Variants in SEC14L5 observed in about 807,000 individuals in gnomAD.
The protein encoded by SEC14L5 is SEC14 like lipid binding 5.
A neutral mutation model predicts 84.6 loss-of-function variants in SEC14L5; 96 were observed. The observed-to-expected ratio is 1.13, with a 90% confidence interval of 0.96 to 1.34. The LOEUF (loss-of-function observed/expected upper bound fraction) is 1.34. SEC14L5 is among the 40% of genes most tolerant of loss of function. SEC14L5 has a pLI of 0.00. For missense variants in SEC14L5, 1,224 were observed against 942.5 expected, an observed-to-expected ratio of 1.30 and a Z score of -3.91; for synonymous variants, 546 against 383.4, an observed-to-expected ratio of 1.42 and a Z score of -4.95.
At chr16:5,009,225 C>G (rs1270844721) in intron 14 of SEC14L5, among the ~76,000 whole-genome samples, 2 of 152,122 alleles carry the variant, frequency 1.3e-5, no homozygotes, top group African/African-American at 4.8e-5. Context: ...GGTTTCTTCT[C>G]TGTCTGTCTC....
rs76424414 is a variant in SEC14L5 at position 5,001,696 on chromosome 16, C to T, written c.1130+771C>T. ...GCATTTCTGTTCCTGAACTGTTTCCCGGAGCCAGTACTTACGGTGGCATCG... is the reference window on the plus strand; with the variant it reads ...GCATTTCTGTTCCTGAACTGTTTCCTGGAGCCAGTACTTACGGTGGCATCG... On this transcript the variant is annotated intron_variant, in intron 10 of 15. Transcript: ENST00000251170. Among the ~76,000 whole-genome samples, 345 of 152,292 alleles carry T rather than the reference C, an allele frequency of 2.3e-3. 2 individuals are homozygous for T. The highest frequency in any genetic ancestry group is 7.8e-3 in the African/African-American group (323 of 41,576).
rs1955890944 is a variant in SEC14L5 at position 5,017,681 on chromosome 16, C to T, written c.*2711C>T. 1 of 152,204 alleles carries T rather than the reference C, an allele frequency of 6.6e-6. No homozygotes were observed. The highest frequency in any genetic ancestry group is 6.5e-5 in the Admixed American group (1 of 15,276). 9.4% of individuals were successfully genotyped at this position (152,204 alleles called of 1,614,324 possible). A position where few individuals can be genotyped will look rare whatever the true frequency, so the allele number is the denominator to read the frequency against. The stretch of plus-strand genomic sequence containing the variant: ...CGCAGCAGGATTGGGGAGGGCCATT[C>T]CCCCAATGGACAAGAGAAGCTGGAC... On this transcript the variant is annotated 3_prime_UTR_variant, in exon 16 of 16. Transcript: ENST00000251170.
At chr16:4,981,854 G>C (rs1955427647) in intron 2 of SEC14L5, among the ~76,000 whole-genome samples, 1 of 152,190 alleles carries the variant, frequency 6.6e-6, no homozygotes, top group Non-Finnish European at 1.5e-5. Context: ...CTTCTAACCA[G>C]GCAGTCTGAA....
At chr16:4,999,384 C>A (rs994697345) in intron 8 of SEC14L5, among the ~76,000 whole-genome samples, 2 of 152,146 alleles carry the variant, frequency 1.3e-5, no homozygotes, top group African/African-American at 4.8e-5. Context: ...GCTGGAGGAT[C>A]GCTTAAGCCC....
chr16:4,975,222 T>C (rs901798941), intron 2 of SEC14L5, among the ~76,000 whole-genome samples: 24 of 151,968 alleles, frequency 1.6e-4, no homozygotes, highest in Non-Finnish European at 3.1e-4. Flanking sequence ...CCTGTAATCC[T>C]AGCACTTTGG....
At chr16:4,999,841 G>C (rs1955655684) in intron 8 of SEC14L5, among the ~76,000 whole-genome samples, 1 of 151,982 alleles carries the variant, frequency 6.6e-6, no homozygotes, top group Admixed American at 6.6e-5. Flanking sequence ...CTTGAACCTG[G>C]GAGGCAGAGG....
intron 3 of SEC14L5, 40 bp downstream of exon 3, chr16:4,987,746 G>A: frequency 7.0e-7 from 1 of 1,420,516 alleles, no homozygotes; most frequent in South Asian, 1.5e-5. Context: ...GAGGGGACCT[G>A]TTGCGGAGGT....
chr16:4,973,938 C>T (rs1955309084), intron 2 of SEC14L5, among the ~76,000 whole-genome samples: 2 of 152,032 alleles, frequency 1.3e-5, no homozygotes, highest in East Asian at 1.9e-4. Context: ...CCCCCTGAGG[C>T]CTCCCAAAGT....
At chr16:4,960,629 T>C (rs1014638234) in intron 2 of SEC14L5, 2 of 152,238 alleles carry the variant, frequency 1.3e-5, no homozygotes, top group Non-Finnish European at 2.9e-5. Context: ...AGGGTCATAT[T>C]CTAGCTCCCC....
chr16:4,997,485 G>A (rs572550669), intron 8 of SEC14L5, among the ~76,000 whole-genome samples: 40 of 152,304 alleles, frequency 2.6e-4, no homozygotes, highest in African/African-American at 6.7e-4. Flanking sequence ...ATGCTTTGAA[G>A]TGACAACCTA....
In SEC14L5 at chr16:4,999,159, C is replaced by T. The variant is rs575081730; in HGVS notation, c.971-1496C>T. 4.7e-4 allele frequency among the ~76,000 whole-genome samples: 72 copies of T among 152,248 alleles called. 3 individuals carry two copies. In the South Asian group the frequency reaches 0.013, roughly 28 times the overall value. ...TGCCTCTTCGTGTAGTGCAGAATTG[C>T]GCCTAGCTTTCCTAAGGATGAGCAA... On this transcript the variant is annotated intron_variant, in intron 8 of 15. Coordinates refer to ENST00000251170, the MANE Select transcript of SEC14L5 (RefSeq NM_014692.2).
intron 13 of SEC14L5, among the ~76,000 whole-genome samples, chr16:5,007,917 T>G (rs1955752105): frequency 6.8e-6 from 1 of 147,810 alleles, no homozygotes; most frequent in Admixed American, 6.7e-5. Flanking sequence ...CTTTTTTTTT[T>G]TTTTTTTTGA....
chr16:5,011,461 G>A (rs537497682), intron 15 of SEC14L5, among the ~76,000 whole-genome samples, 188 bp downstream of exon 15: 11 of 152,332 alleles, frequency 7.2e-5, no homozygotes, highest in East Asian at 3.9e-4. Context: ...AGCTCTGCGC[G>A]TCTAACTCTG....
chr16:4,971,091 C>CAAAAAA (rs34842525), intron 2 of SEC14L5, among the ~76,000 whole-genome samples: 2 of 73,926 alleles, frequency 2.7e-5, no homozygotes, highest in Admixed American at 1.5e-4. Context: ...GTGACAGAGC[C>CAAAAAA]AAAAAAAAAA....
intron 8 of SEC14L5, among the ~76,000 whole-genome samples, chr16:4,997,415 T>C: frequency 6.6e-6 from 1 of 152,186 alleles, no homozygotes; most frequent in Admixed American, 6.5e-5. Flanking sequence ...GCCCTTTAAA[T>C]GCCATGCTTC....
chr16:5,001,014 C>A, intron 10 of SEC14L5, 89 bp downstream of exon 10: 1 of 1,043,064 alleles, frequency 9.6e-7, no homozygotes, highest in Non-Finnish European at 1.5e-6. Flanking sequence ...CTGGGCTGGG[C>A]AGCGTGCCAG....
At chr16:4,963,879 G>A (rs1406125553) in intron 2 of SEC14L5, among the ~76,000 whole-genome samples, 1 of 151,582 alleles carries the variant, frequency 6.6e-6, no homozygotes, top group Non-Finnish European at 1.5e-5. Flanking sequence ...TAGAAATGAG[G>A]TCTCACTATG....
At chr16:5,012,759 G>GC (rs1567131382) in intron 15 of SEC14L5, among the ~76,000 whole-genome samples, 4 of 146,826 alleles carry the variant, frequency 2.7e-5, no homozygotes, top group Non-Finnish European at 6.0e-5. Context: ...ACAAAAATTA[G>GC]CCGGGCATGC....
At chr16:5,000,822 C>T (rs1955667584) in intron 9 of SEC14L5, 33 bp from the exon 10 acceptor site, 2 of 1,581,090 alleles carry the variant, frequency 1.3e-6, no homozygotes, top group Admixed American at 1.8e-5. Flanking sequence ...AGCAGCGAGG[C>T]GGACGTTGAG....
Sources: gnomAD v4.1 joint callset for allele counts (sites outside exome capture counted in the v4.1 genomes callset) on GRCh38, gnomAD v4.1.1 for gene constraint, MANE v1.5 for transcripts, NCBI Gene and HGNC (gene_info 2026-07-23, HGNC 2026-07-21) for gene names.